Variants in SLC6A16 observed in about 807,000 individuals in gnomAD.
The protein encoded by SLC6A16 is solute carrier family 6 member 16.
In SLC6A16, 54 loss-of-function variants were observed where a neutral mutation model predicts 65.4. The observed-to-expected ratio is 0.83, with a 90% confidence interval of 0.66 to 1.04. The LOEUF is 1.04. Ranked by LOEUF, SLC6A16 falls within the 50% of genes least tolerant of loss-of-function variation. SLC6A16 has a pLI of 0.00. For synonymous variants in SLC6A16, 330 were observed against 346.5 expected, an observed-to-expected ratio of 0.95 and a Z score of 0.53; for missense variants, 816 against 914.0, an observed-to-expected ratio of 0.89 and a Z score of 1.38.
At chr19:49,312,393 A>G (rs1970539828) in intron 1 of SLC6A16, 1 of 233,506 alleles carries the variant, frequency 4.3e-6, no homozygotes, top group South Asian at 1.6e-4. Flanking sequence ...CTACCTACCC[A>G]CAACTCTCTT....
At chr19:49,338,325 GCTTCCTA>G in the SLC6A16 span, 2 of 696,330 alleles carry the variant, frequency 2.9e-6, no homozygotes, top group East Asian at 5.9e-5. The surrounding 1 kb of genome is among the most constrained non-coding windows in gnomAD (Gnocchi z 5.0). Context: ...GCGAGACACG[GCTTCCTA>G]CCCCGTAGTG....
In SLC6A16 at chr19:49,292,497, C is replaced by G. The variant is rs1213640410; in HGVS notation, c.1778+726G>C. The stretch of plus-strand genomic sequence containing the variant: ...TTAAAAAACAAATCTAATAATGGCA[C>G]TCCCACCTGAAAATGTCATTCTCCT... On this transcript the variant is annotated intron_variant, in intron 10 of 11. Coordinates refer to ENST00000335875, the MANE Select transcript of SLC6A16 (RefSeq NM_014037.3). This position sits in a 1 kb window ranked among gnomAD's most constrained non-coding sequence, Gnocchi z 4.3. 2.0e-5 allele frequency among the ~76,000 whole-genome samples: 3 copies of G among 152,188 alleles called. No homozygotes were observed. The highest frequency in any genetic ancestry group is 7.2e-5 in the African/African-American group (3 of 41,448).
rs374310353 is a variant in SLC6A16 at position 49,304,184 on chromosome 19, G to A, written c.1229+4692C>T. Among the ~76,000 whole-genome samples, 11 of 152,314 alleles carry A rather than the reference G, an allele frequency of 7.2e-5. No homozygotes were observed. The East Asian group carries it at 1.9e-3, about 27-fold the overall frequency. ...AAAAGAGGAAATGTGAACGTTATCA[G>A]AATAAAATGGAGTCACTAATGTTAA... On this transcript the variant is annotated intron_variant, in intron 7 of 11. Coordinates refer to ENST00000335875, the MANE Select transcript of SLC6A16 (RefSeq NM_014037.3).
rs1438724467 is a variant in SLC6A16 at position 49,290,228 on chromosome 19, G to A, written c.2106C>T (p.Ser702=). 2.5e-6 allele frequency: 4 copies of A among 1,614,008 alleles called. No individual in the cohort carries two copies. Among genetic ancestry groups the A allele is most frequent in the Non-Finnish European group, 3.4e-6 (4 of 1,180,030 alleles). Residue 702 remains serine, a synonymous_variant, in exon 12 of 12, where the codon TCC becomes TCT. Transcript: ENST00000335875. ...SGDGPMTAST[S]LPLSHQLTPS... ...GTGTTAGCTGGTGACTTAGGGGTAGGGATGTGGAGGCTGTCATAGGCCCGT... is the reference window on the plus strand; with the variant it reads ...GTGTTAGCTGGTGACTTAGGGGTAGAGATGTGGAGGCTGTCATAGGCCCGT...
In SLC6A16 at chr19:49,290,764, G is replaced by A. The variant is rs1229389861; in HGVS notation, c.1782C>T (p.Phe594=). The A allele has an allele frequency of 5.6e-6, 9 of 1,606,260 alleles. No individual in the cohort carries two copies. In the East Asian group the frequency reaches 1.8e-4, roughly 32 times the overall value. The change falls in exon 11 of 12, where the codon TTC becomes TTT. Residue 594 remains phenylalanine (F), a synonymous_variant. Transcript: ENST00000335875. ...AVSWAYGARR[F]LADLTILLGH... The stretch of plus-strand genomic sequence containing the variant: ...CCAACAGGATCGTCAGGTCTGCAAG[G>A]AACCTGGAGAAGGGCCACCAGAGTG...
At chr19:49,290,795 T>G in intron 10 of SLC6A16, 28 bp from the exon 11 acceptor site, 1 of 1,584,782 alleles carries the variant, frequency 6.3e-7, no homozygotes. Context: ...GAGTGTGGGA[T>G]GCCCAGTTAG....
At chr19:49,307,601 C>T (rs1970417227) in intron 7 of SLC6A16, among the ~76,000 whole-genome samples, 1 of 150,664 alleles carries the variant, frequency 6.6e-6, no homozygotes, top group Non-Finnish European at 1.5e-5. Context: ...GAGGCAGAGG[C>T]AGGAGGATGG....
rs576264708 is a variant in SLC6A16 at position 49,297,242 on chromosome 19, C to G, written c.1230-2689G>C. On this transcript the variant is annotated intron_variant, in intron 7 of 11. Coordinates refer to ENST00000335875, the MANE Select transcript of SLC6A16 (RefSeq NM_014037.3). ...ATAATTTCACCGCCCAAAAAAAACC[C>G]TGATTTTTAAAATGGACAGTAGACT... Among the ~76,000 whole-genome samples, 33 of 152,204 alleles carry G rather than the reference C, an allele frequency of 2.2e-4. No homozygotes were observed. The South Asian group carries it at 3.3e-3, about 15-fold the overall frequency.
chr19:49,290,239 C>CTG lies in SLC6A16; in HGVS notation c.2093_2094dup (p.Ala699GlnfsTer8). ...TGACTTAGGGGTAGGGATGTGGAGG[C>CTG]TGTCATAGGCCCGTCTCCGCTCTTG... On this transcript the variant is annotated frameshift_variant, in exon 12 of 12. Transcript: ENST00000335875. LOFTEE classifies it low-confidence loss of function (END_TRUNC). 1 of 1,614,124 alleles carries CTG rather than the reference C, an allele frequency of 6.2e-7. No homozygotes were observed. The highest frequency in any genetic ancestry group is 1.1e-5 in the South Asian group (1 of 91,080).
At chr19:49,335,922 C>G in the SLC6A16 span, 1 of 714,618 alleles carries the variant, frequency 1.4e-6, no homozygotes, top group African/African-American at 1.8e-5. The surrounding 1 kb of genome is among the most constrained non-coding windows in gnomAD (Gnocchi z 4.6). Flanking sequence ...TCACCGGAGG[C>G]TTCTTGGAGC....
chr19:49,295,097 C>T (rs1970160698), intron 7 of SLC6A16, among the ~76,000 whole-genome samples: 3 of 152,068 alleles, frequency 2.0e-5, no homozygotes, highest in Admixed American at 1.3e-4. Flanking sequence ...TACCCCATCA[C>T]ACACAATACC....
the SLC6A16 span, chr19:49,337,015 C>G: frequency 1.2e-6 from 2 of 1,613,364 alleles, no homozygotes; most frequent in African/African-American, 2.7e-5. Flanking sequence ...TCAAGGAGCT[C>G]CGCTGCCTCC....
At chr19:49,328,942 G>T (rs1970823134), upstream of SLC6A16, among the ~76,000 whole-genome samples, 1 of 152,216 alleles carries the variant, frequency 6.6e-6, no homozygotes, top group Non-Finnish European at 1.5e-5. Flanking sequence ...CCATGGTGAA[G>T]TGGATCCTCC....
Position 49,292,569 on chromosome 19 carries a change from G to A in SLC6A16, c.1778+654C>T, listed in dbSNP as rs561138638. Among the ~76,000 whole-genome samples, 52 of 152,246 alleles carry A rather than the reference G, an allele frequency of 3.4e-4. No individual in the cohort carries two copies. Among genetic ancestry groups the A allele is most frequent in the Admixed American group, 9.8e-4 (15 of 15,292 alleles). Reference sequence around the variant, plus strand: ...CATCTGCCATTCTGCATACAAAGCTGAGTCCTATCGTGGCTTACAAAACCC... The same window carrying A: ...CATCTGCCATTCTGCATACAAAGCTAAGTCCTATCGTGGCTTACAAAACCC... On this transcript the variant is annotated intron_variant, in intron 10 of 11. Coordinates refer to ENST00000335875, the MANE Select transcript of SLC6A16 (RefSeq NM_014037.3). The surrounding 1 kb of genome is among the most constrained non-coding windows in gnomAD (Gnocchi z 4.3).
In SLC6A16 at chr19:49,309,421, G is replaced by C. The variant is rs764669809; in HGVS notation, c.877-10C>G. 3 of 1,594,748 alleles carry C rather than the reference G, an allele frequency of 1.9e-6. No individual in the cohort carries two copies. In the Admixed American group the frequency reaches 5.0e-5, roughly 27 times the overall value. On this transcript the variant is annotated splice_polypyrimidine_tract_variant and intron_variant, in intron 5 of 11. Coordinates refer to ENST00000335875, the MANE Select transcript of SLC6A16 (RefSeq NM_014037.3). The stretch of plus-strand genomic sequence containing the variant: ...CCAAGACATAGATTACCTGAATCGA[G>C]AGTGGGACATATCAGCAACCGTGTA...
chr19:49,336,554 A>T, the SLC6A16 span: 2,982 of 204,876 alleles, frequency 0.015, 89 homozygotes, highest in African/African-American at 0.057. Flanking sequence ...CGAGGCTCCA[A>T]CTCAAAAAAA....
In SLC6A16 at chr19:49,290,252, G is replaced by T. The variant is rs34486225; in HGVS notation, c.2082C>A (p.Asp694Glu). ...GGGATGTGGAGGCTGTCATAGGCCC[G>T]TCTCCGCTCTTGGGCCTGAAGGGAA... Reference protein sequence around the residue: ...HRIPFRPKSGDGPMTASTSLP... With the variant: ...HRIPFRPKSGEGPMTASTSLP... Residue 694 changes from aspartate (D) to glutamate (E), a missense_variant, in exon 12 of 12, where the codon GAC becomes GAA. Coordinates refer to ENST00000335875, the MANE Select transcript of SLC6A16 (RefSeq NM_014037.3). 2.5e-6 allele frequency: 4 copies of T among 1,613,956 alleles called. No individual in the cohort carries two copies. In the African/African-American group the frequency reaches 4.0e-5, roughly 16 times the overall value.
Position 49,294,508 on chromosome 19 carries a change from A to C in SLC6A16, c.1275T>G (p.Pro425=), listed in dbSNP as rs1970147130. 1 of 1,613,892 alleles carries C rather than the reference A, an allele frequency of 6.2e-7. No homozygotes were observed. Residue 425 remains proline, a synonymous_variant, in exon 8 of 12, where the codon CCT becomes CCG. Coordinates refer to ENST00000335875, the MANE Select transcript of SLC6A16 (RefSeq NM_014037.3). ...GGTTGACAGGGGGCTTGGCATCAGG[A>C]GGCAGTTTCCCTAGGTTTATCAGCT... ...LLKLINLGKL[P]PDAKPPVNLL...
chr19:49,324,682 G>T (rs1393815162), intron 1 of SLC6A16, among the ~76,000 whole-genome samples: 1 of 152,164 alleles, frequency 6.6e-6, no homozygotes, highest in Non-Finnish European at 1.5e-5. Flanking sequence ...GCAAAAAGCA[G>T]AAAATAACTG....
Sources: gnomAD v4.1 joint callset for allele counts (sites outside exome capture counted in the v4.1 genomes callset) on GRCh38, gnomAD v4.1.1 for gene constraint, Gnocchi (gnomAD v3.1) non-coding constraint, MANE v1.5 for transcripts, NCBI Gene and HGNC (gene_info 2026-07-23, HGNC 2026-07-21) for gene names.